Variants in SUGCT observed in about 807,000 individuals in gnomAD.
SUGCT encodes the protein succinyl-CoA:glutarate CoA-transferase.
In SUGCT, 41 loss-of-function variants were observed where a neutral mutation model predicts 55.0. The ratio of observed to expected loss-of-function variants is 0.74; its 90% CI spans 0.58 to 0.97. SUGCT has a LOEUF of 0.97. SUGCT is among the 50% of genes least tolerant of loss of function. The pLI, the probability that SUGCT is intolerant of heterozygous loss-of-function variation, is 0.00. For synonymous variants in SUGCT, 187 were observed against 200.4 expected, an observed-to-expected ratio of 0.93 and a Z score of 0.56; for missense variants, 568 against 547.8, an observed-to-expected ratio of 1.04 and a Z score of -0.37.
At chr7:40,880,514 C>G in the SUGCT span, among the ~76,000 whole-genome samples, 3 of 152,054 alleles carry the variant, frequency 2.0e-5, no homozygotes, top group African/African-American at 7.2e-5. Flanking sequence ...TTAGGGACTG[C>G]AAAATGAAGA....
the SUGCT span, among the ~76,000 whole-genome samples, chr7:40,988,337 T>C: frequency 1.3e-5 from 2 of 150,826 alleles, no homozygotes; most frequent in African/African-American, 4.9e-5. Flanking sequence ...TACAGGCAGC[T>C]CCAGGGAAAG....
At chr7:40,555,677 T>C (rs2151649465) in intron 12 of SUGCT, among the ~76,000 whole-genome samples, 1 of 152,274 alleles carries the variant, frequency 6.6e-6, no homozygotes, top group South Asian at 2.1e-4. Flanking sequence ...GTATTTCTAA[T>C]ACTTTTTGGG....
chr7:41,013,596 G>A, the SUGCT span, among the ~76,000 whole-genome samples: 1 of 152,164 alleles, frequency 6.6e-6, no homozygotes, highest in African/African-American at 2.4e-5. Flanking sequence ...GTGCATCTAA[G>A]TGTGTATTAT....
chr7:40,266,734 G>T (rs1254637966), intron 7 of SUGCT, among the ~76,000 whole-genome samples: 3 of 151,896 alleles, frequency 2.0e-5, no homozygotes, highest in Non-Finnish European at 4.4e-5. Flanking sequence ...AACCCACTGG[G>T]GGCTGGGCAT....
chr7:40,960,183 T>C, the SUGCT span, among the ~76,000 whole-genome samples: 2 of 152,156 alleles, frequency 1.3e-5, no homozygotes, highest in Non-Finnish European at 2.9e-5. Context: ...CTTGTGATGA[T>C]CAATAGATTT....
chr7:40,774,416 C>A (rs1404332211), intron 13 of SUGCT, among the ~76,000 whole-genome samples: 1 of 152,082 alleles, frequency 6.6e-6, no homozygotes, highest in African/African-American at 2.4e-5. Context: ...CTGTTGCTTT[C>A]TCTTTAGAAT....
chr7:40,797,543 G>C (rs17621020), intron 13 of SUGCT, among the ~76,000 whole-genome samples: 12,962 of 152,122 alleles, frequency 0.085, 664 homozygotes, highest in Middle Eastern at 0.17. Context: ...AGAACTCTCA[G>C]TTCCATGTCA....
At chr7:40,710,763 C>A (rs1432208563) in intron 12 of SUGCT, among the ~76,000 whole-genome samples, 1 of 152,138 alleles carries the variant, frequency 6.6e-6, no homozygotes, top group African/African-American at 2.4e-5. Context: ...AACCCCAGGG[C>A]TCATCAGAGG....
chr7:40,910,720 C>T, the SUGCT span, among the ~76,000 whole-genome samples: 2 of 152,140 alleles, frequency 1.3e-5, no homozygotes, highest in African/African-American at 2.4e-5. Context: ...AATGGTAACC[C>T]CATGTTCCCC....
intron 9 of SUGCT, among the ~76,000 whole-genome samples, chr7:40,402,165 T>C (rs1049596073): frequency 3.7e-4 from 56 of 152,014 alleles, no homozygotes; most frequent in Non-Finnish European, 1.0e-4. Flanking sequence ...ATGAGACACA[T>C]GGAAACTAGA....
intron 8 of SUGCT, among the ~76,000 whole-genome samples, chr7:40,275,874 A>AC (rs1370303447): frequency 2.0e-5 from 3 of 152,228 alleles, no homozygotes; most frequent in Admixed American, 2.0e-4. Context: ...CAGATGCTGT[A>AC]CCATATGTGG....
intron 12 of SUGCT, among the ~76,000 whole-genome samples, chr7:40,641,175 C>G (rs936733731): frequency 2.0e-5 from 3 of 152,138 alleles, no homozygotes; most frequent in Non-Finnish European, 4.4e-5. Context: ...CCCTTCATTT[C>G]CTATATACAC....
chr7:40,721,349 G>A (rs1786326593), intron 12 of SUGCT, among the ~76,000 whole-genome samples: 1 of 152,072 alleles, frequency 6.6e-6, no homozygotes, highest in African/African-American at 2.4e-5. Context: ...TTCATCTCCT[G>A]AGAGTTATTA....
At chr7:40,769,776 A>G (rs1788997349) in intron 13 of SUGCT, among the ~76,000 whole-genome samples, 1 of 152,216 alleles carries the variant, frequency 6.6e-6, no homozygotes, top group Non-Finnish European at 1.5e-5. Flanking sequence ...ACGATTTGTA[A>G]CAATGGCCAC....
At chr7:40,217,515 T>C in intron 6 of SUGCT, 1 of 404,328 alleles carries the variant, frequency 2.5e-6, no homozygotes, top group Non-Finnish European at 5.0e-6. Context: ...CCTGGCCAAC[T>C]TCCTGAATTA....
At chr7:40,240,492 A>T (rs531469503) in intron 7 of SUGCT, among the ~76,000 whole-genome samples, 1 of 152,252 alleles carries the variant, frequency 6.6e-6, no homozygotes, top group Admixed American at 6.5e-5. Context: ...TCCAAAAAAA[A>T]AAAGAAAAGA....
chr7:40,781,109 T>A (rs1475104708), intron 13 of SUGCT, among the ~76,000 whole-genome samples: 1 of 152,190 alleles, frequency 6.6e-6, no homozygotes, highest in African/African-American at 2.4e-5. Flanking sequence ...ACAGTTACAA[T>A]CTCCTTCTCC....
chr7:40,270,005 G>A (rs538670665), intron 7 of SUGCT, among the ~76,000 whole-genome samples: 3 of 151,876 alleles, frequency 2.0e-5, no homozygotes, highest in East Asian at 1.9e-4. Context: ...GCATGGTGGT[G>A]TGCGCCTGTG....
At chr7:40,816,604 T>C (rs542830127) in intron 13 of SUGCT, among the ~76,000 whole-genome samples, 1 of 152,192 alleles carries the variant, frequency 6.6e-6, no homozygotes, top group East Asian at 1.9e-4. Flanking sequence ...TTCCAGTAGA[T>C]TCCTATTTTC....
Sources: allele counts gnomAD v4.1 joint callset (sites outside exome capture counted in the v4.1 genomes callset), GRCh38; gene constraint gnomAD v4.1.1; transcripts MANE v1.5; gene names NCBI Gene and HGNC (gene_info 2026-07-23, HGNC 2026-07-21).